Variants in PLEKHA7 observed in about 807,000 individuals in gnomAD.
PLEKHA7 encodes the protein pleckstrin homology domain containing A7.
A neutral mutation model predicts 170.0 loss-of-function variants in PLEKHA7; 104 were observed. The ratio of observed to expected loss-of-function variants is 0.61; its 90% CI spans 0.52 to 0.72. The LOEUF (loss-of-function observed/expected upper bound fraction) is 0.72. Ranked by LOEUF, PLEKHA7 falls within the 30% of genes least tolerant of loss-of-function variation. The pLI is 0.00. For synonymous variants in PLEKHA7, 648 were observed against 660.8 expected (o/e 0.98, Z 0.30); for missense variants, 1,615 against 1,671.7 (o/e 0.97, Z 0.59).
chr11:16,868,130 C>G (rs572095279), intron 4 of PLEKHA7, among the ~76,000 whole-genome samples: 1 of 152,116 alleles, frequency 6.6e-6, no homozygotes, highest in Non-Finnish European at 1.5e-5. Context: ...GATGAGGAGG[C>G]CTTCTGTGGT....
At position 17,005,259 on chromosome 11, in the gene PLEKHA7, G is replaced by A. The variant is rs1167531904; in HGVS notation, c.221+8730C>T. 4.6e-5 allele frequency among the ~76,000 whole-genome samples: 7 copies of A among 152,348 alleles called. No homozygotes were observed. The East Asian group carries it at 5.8e-4, about 13-fold the overall frequency. ...TCAAAAGAGAATGGAGGCTGGGCCC[G>A]GTGGCCCACGCCTGTAATCCCAGCA... On this transcript the variant is annotated intron_variant, in intron 3 of 26. Transcript: ENST00000531066.
intron 3 of PLEKHA7, among the ~76,000 whole-genome samples, chr11:16,886,457 T>G (rs889056972): frequency 3.3e-5 from 5 of 152,224 alleles, no homozygotes; most frequent in African/African-American, 1.2e-4. Flanking sequence ...ATGCCTGTAA[T>G]CCCAGCACTT....
chr11:16,927,597 G>T (rs574797891), intron 3 of PLEKHA7, among the ~76,000 whole-genome samples: 10 of 152,336 alleles, frequency 6.6e-5, no homozygotes, highest in African/African-American at 2.4e-4. Context: ...GGCATGCTAT[G>T]CAAGACTCCT....
intron 3 of PLEKHA7, among the ~76,000 whole-genome samples, chr11:16,893,556 A>G (rs985113232): frequency 3.9e-5 from 6 of 152,164 alleles, no homozygotes; most frequent in Non-Finnish European, 7.3e-5. Flanking sequence ...AGAAGGCTGT[A>G]ATTCTCTAGT....
At chr11:16,780,478 G>A (rs1436281914) in intron 26 of PLEKHA7, among the ~76,000 whole-genome samples, 1 of 152,224 alleles carries the variant, frequency 6.6e-6, no homozygotes, top group East Asian at 1.9e-4. Context: ...GTGAGCCCCA[G>A]CCCCTCACTG....
At chr11:16,964,128 T>C (rs980976901) in intron 3 of PLEKHA7, among the ~76,000 whole-genome samples, 2 of 152,238 alleles carry the variant, frequency 1.3e-5, no homozygotes, top group African/African-American at 4.8e-5. Flanking sequence ...TCCTCTGTGT[T>C]GTGGCATGTG....
chr11:16,813,388 T>C, intron 12 of PLEKHA7: 4 of 443,908 alleles, frequency 9.0e-6, no homozygotes, highest in South Asian at 8.7e-5. Context: ...GAAAGTCAGC[T>C]TGTCCCCCAC....
intron 3 of PLEKHA7, among the ~76,000 whole-genome samples, chr11:17,000,549 T>A (rs1406537247): frequency 6.6e-6 from 1 of 152,178 alleles, no homozygotes; most frequent in Non-Finnish European, 1.5e-5. Context: ...TCCCTCTGGC[T>A]AGCCTGACCT....
chr11:16,965,951 G>A (rs780483014), intron 3 of PLEKHA7, among the ~76,000 whole-genome samples: 1 of 152,218 alleles, frequency 6.6e-6, no homozygotes, highest in African/African-American at 2.4e-5. Flanking sequence ...GGGAGGCCAA[G>A]GCAGGTGGAT....
intron 3 of PLEKHA7, among the ~76,000 whole-genome samples, chr11:16,970,092 A>G (rs935463234): frequency 2.6e-5 from 4 of 152,200 alleles, no homozygotes; most frequent in African/African-American, 9.6e-5. Context: ...AACTTTTTCT[A>G]TGTGGGGACA....
intron 3 of PLEKHA7, among the ~76,000 whole-genome samples, chr11:16,955,184 C>G (rs779123187): frequency 6.6e-6 from 1 of 152,158 alleles, no homozygotes; most frequent in Non-Finnish European, 1.5e-5. Flanking sequence ...AACCCTGATG[C>G]TTAGGCTGCA....
chr11:16,897,780 G>A (rs1040948614), intron 3 of PLEKHA7, among the ~76,000 whole-genome samples: 11 of 152,302 alleles, frequency 7.2e-5, no homozygotes, highest in South Asian at 2.1e-4. Context: ...AGCTGCAGCG[G>A]AGAGCATTTG....
rs757647654 is a variant in PLEKHA7, at chr11:16,826,547, G to A, written c.916C>T (p.His306Tyr). ...VERQAVPQANHTESCHECGRV... is the reference protein window; with the variant it reads ...VERQAVPQANYTESCHECGRV... ...CCACATTCGTGACAGGACTCTGTGT[G>A]GTTGGCCTGGGGGACAGCCTGCCGC... is the stretch of plus-strand genomic sequence containing the variant. The change falls in exon 10 of 27, where the codon CAC becomes TAC. Residue 306 changes from histidine (H) to tyrosine (Y), a missense_variant. By Grantham distance (83) the His-to-Tyr change is moderately conservative. Coordinates refer to ENST00000531066, the MANE Select transcript of PLEKHA7 (RefSeq NM_001329630.2). 7.4e-6 allele frequency: 12 copies of A among 1,613,992 alleles called. No individual in the cohort carries two copies. The highest frequency in any genetic ancestry group is 9.3e-6 in the Non-Finnish European group (11 of 1,180,036).
At chr11:16,912,468 T>C (rs1461196868) in intron 3 of PLEKHA7, among the ~76,000 whole-genome samples, 1 of 152,218 alleles carries the variant, frequency 6.6e-6, no homozygotes, top group Non-Finnish European at 1.5e-5. Context: ...ATGGATATTT[T>C]AAATGGGAGC....
intron 3 of PLEKHA7, among the ~76,000 whole-genome samples, chr11:16,881,829 A>G (rs1346290077): frequency 6.6e-6 from 1 of 152,164 alleles, no homozygotes; most frequent in Admixed American, 6.5e-5. Context: ...GAAAGGTTTG[A>G]GTGGTTACAG....
At chr11:16,855,459 G>A (rs1361333655) in intron 5 of PLEKHA7, among the ~76,000 whole-genome samples, 1 of 152,162 alleles carries the variant, frequency 6.6e-6, no homozygotes, top group Non-Finnish European at 1.5e-5. Context: ...TCCTTCCCAA[G>A]GGCACCCTTT....
intron 19 of PLEKHA7, among the ~76,000 whole-genome samples, chr11:16,793,650 T>C (rs1411436190): frequency 1.3e-5 from 2 of 152,254 alleles, no homozygotes; most frequent in East Asian, 1.9e-4. Context: ...ACCAGCCTCA[T>C]TGTGTTCTCC....
intron 3 of PLEKHA7, among the ~76,000 whole-genome samples, chr11:16,934,433 T>C (rs1016295378): frequency 6.6e-6 from 1 of 152,080 alleles, no homozygotes; most frequent in Non-Finnish European, 1.5e-5. Flanking sequence ...ATTTTCAAAG[T>C]TCAGCTGAAA....
At chr11:16,835,810 T>C (rs946186457) in intron 9 of PLEKHA7, among the ~76,000 whole-genome samples, 7 of 152,010 alleles carry the variant, frequency 4.6e-5, no homozygotes, top group Non-Finnish European at 8.8e-5. Flanking sequence ...AAGAAATAGG[T>C]ATAACAGGAA....
Sources: allele counts gnomAD v4.1 joint callset (sites outside exome capture counted in the v4.1 genomes callset), GRCh38; gene constraint gnomAD v4.1.1; transcripts MANE v1.5; gene names NCBI Gene and HGNC (gene_info 2026-07-23, HGNC 2026-07-21).